Variants in ATL1 observed in about 807,000 individuals in gnomAD.
ATL1 encodes the protein atlastin-1.
In ATL1, 31 loss-of-function variants were observed where a neutral mutation model predicts 75.5. The observed-to-expected ratio is 0.41, with a 90% CI of 0.31 to 0.55. The LOEUF is 0.55. Among genes scored for constraint, ATL1 ranks in the 20% least tolerant of loss-of-function variants. The pLI is 0.27. For missense variants in ATL1, 405 were observed against 662.6 expected (o/e 0.61, Z 4.27); for synonymous variants, 226 against 233.3 (o/e 0.97, Z 0.28).
At chr14:50,621,018 G>T (rs1253596532) in intron 9 of ATL1, among the ~76,000 whole-genome samples, 1 of 152,098 alleles carries the variant, frequency 6.6e-6, no homozygotes, top group African/African-American at 2.4e-5. Flanking sequence ...TCTTTTGGGG[G>T]GATGGGGTGT....
chr14:50,554,066 CAA>C (rs1046348590), intron 1 of ATL1, among the ~76,000 whole-genome samples: 12 of 149,870 alleles, frequency 8.0e-5, no homozygotes, highest in African/African-American at 2.7e-4. Context: ...ATTAATGTAA[CAA>C]AAAAAATCTG....
At chr14:50,621,822 A>C in intron 9 of ATL1, 21 bp from the exon 10 acceptor site, 1 of 1,488,194 alleles carries the variant, frequency 6.7e-7, no homozygotes, top group Non-Finnish European at 9.3e-7. Flanking sequence ...CTTGAACATG[A>C]ATCTTTTTCT....
chr14:50,533,151 T>C (rs1391690196), exon 1 of ATL1: 1 of 152,322 alleles, frequency 6.6e-6, no homozygotes, highest in East Asian at 1.9e-4. Flanking sequence ...TTTCTGAAAG[T>C]CTGAATTCCT....
upstream of ATL1, chr14:50,560,143 T>A: frequency 8.5e-7 from 1 of 1,177,658 alleles, no homozygotes; most frequent in Non-Finnish European, 1.2e-6. Context: ...AGCAACATCC[T>A]CAGAGTCTGA....
rs1242426856 is a variant in ATL1 at position 50,632,495 on chromosome 14, T to C, written c.*156T>C. 3 of 593,182 alleles carry C rather than the reference T, an allele frequency of 5.1e-6. No individual in the cohort carries two copies. In the African/African-American group the frequency reaches 5.6e-5, roughly 11 times the overall value. The allele number at this position is 593,182 out of a possible 1,614,324, so 36.7% of individuals were successfully genotyped here. A position where few individuals can be genotyped will look rare whatever the true frequency, so the allele number is the denominator to read the frequency against. Reference sequence around the variant, plus strand: ...CTGGATTAGTTCTTTTACTTCAGTGTTTAATAAGCAGATGTATGTATGCAT... The same window carrying C: ...CTGGATTAGTTCTTTTACTTCAGTGCTTAATAAGCAGATGTATGTATGCAT... On this transcript the variant is annotated 3_prime_UTR_variant, in exon 14 of 14. Coordinates refer to ENST00000358385, the MANE Select transcript of ATL1 (RefSeq NM_015915.5).
chr14:50,542,243 G>T (rs962925916), intron 1 of ATL1, among the ~76,000 whole-genome samples: 2 of 131,992 alleles, frequency 1.5e-5, no homozygotes, highest in Non-Finnish European at 3.1e-5. Flanking sequence ...AGAACACGTG[G>T]ACACAGGGAG....
At chr14:50,574,933 GTGTGTATATATATATATA>G (rs1416918089) in intron 1 of ATL1, among the ~76,000 whole-genome samples, 8 of 45,982 alleles carry the variant, frequency 1.7e-4, no homozygotes, top group East Asian at 1.6e-3. Flanking sequence ...GTGTGTGTGT[GTGTGTATATATATATATA>G]TATATATATA....
At chr14:50,544,441 A>G (rs2038602676) in intron 1 of ATL1, among the ~76,000 whole-genome samples, 1 of 152,168 alleles carries the variant, frequency 6.6e-6, no homozygotes, top group Non-Finnish European at 1.5e-5. Context: ...TATTAAAGGA[A>G]TGGTTTAGGC....
intron 1 of ATL1, chr14:50,571,895 T>G (rs1826193638): frequency 5.0e-6 from 1 of 201,214 alleles, no homozygotes. Context: ...TGGATTTCTC[T>G]GCTGAATGGT....
At chr14:50,595,471 A>T (rs1411880434) in intron 5 of ATL1, 105 bp from the exon 6 acceptor site, 18 of 1,015,614 alleles carry the variant, frequency 1.8e-5, no homozygotes, top group Admixed American at 9.3e-5. Context: ...CTAGAGGGAA[A>T]AGTAAATGAA....
chr14:50,580,097 C>A (rs1297697248), intron 1 of ATL1, among the ~76,000 whole-genome samples: 1 of 152,168 alleles, frequency 6.6e-6, no homozygotes. Context: ...ATATTTAGAA[C>A]TGTTCCATTA....
At chr14:50,603,051 A>G (rs1329988237) in intron 6 of ATL1, among the ~76,000 whole-genome samples, 1 of 152,294 alleles carries the variant, frequency 6.6e-6, no homozygotes, top group South Asian at 2.1e-4. Context: ...CACCATTTCT[A>G]TGTACATTTC....
At chr14:50,618,893 T>TA (rs1566732469) in intron 8 of ATL1, among the ~76,000 whole-genome samples, 124 of 144,898 alleles carry the variant, frequency 8.6e-4, no homozygotes, top group East Asian at 3.4e-3. Context: ...ATATATATAT[T>TA]TTTTTTTCTT....
chr14:50,555,394 G>A (rs1362033390), upstream of ATL1, among the ~76,000 whole-genome samples: 3 of 152,202 alleles, frequency 2.0e-5, no homozygotes, highest in Admixed American at 2.0e-4. Context: ...CAATTCTCCT[G>A]CCTCAGCCTC....
chr14:50,593,431 A>G (rs1447821847), intron 4 of ATL1, among the ~76,000 whole-genome samples: 1 of 152,198 alleles, frequency 6.6e-6, no homozygotes, highest in Non-Finnish European at 1.5e-5. Flanking sequence ...CCATGTGATG[A>G]AACTCTGTAT....
intron 1 of ATL1, among the ~76,000 whole-genome samples, chr14:50,561,853 T>G (rs144790980): frequency 1.1e-4 from 16 of 152,316 alleles, no homozygotes; most frequent in African/African-American, 3.8e-4. Flanking sequence ...ACCCGTTCTC[T>G]TGGCCTCTAG....
chr14:50,597,064 G>C (rs1205815760), intron 6 of ATL1, among the ~76,000 whole-genome samples: 2 of 151,620 alleles, frequency 1.3e-5, no homozygotes, highest in African/African-American at 4.8e-5. Context: ...ACAAAAATTA[G>C]CTGGGCATGG....
intron 1 of ATL1, among the ~76,000 whole-genome samples, chr14:50,552,655 T>C (rs2038717046): frequency 6.6e-6 from 1 of 152,108 alleles, no homozygotes; most frequent in African/African-American, 2.4e-5. Flanking sequence ...GGTACTGCTA[T>C]AAAAATAGGC....
At chr14:50,544,023 C>G (rs1225111727) in intron 1 of ATL1, among the ~76,000 whole-genome samples, 3 of 152,180 alleles carry the variant, frequency 2.0e-5, no homozygotes, top group Non-Finnish European at 4.4e-5. Flanking sequence ...GTGATTGATT[C>G]TAACTACCAT....
Sources: gnomAD v4.1 joint callset for allele counts (sites outside exome capture counted in the v4.1 genomes callset) on GRCh38, gnomAD v4.1.1 for gene constraint, MANE v1.5 for transcripts, NCBI Gene and HGNC (gene_info 2026-07-23, HGNC 2026-07-21) for gene names.